The following GPR148 variants were observed in gnomAD, a reference collection of about 807,000 sequenced individuals.
GPR148 encodes probable G protein-coupled receptor 148.
For missense variants in GPR148, 424 were observed against 435.3 expected (o/e 0.97, Z 0.23); for synonymous variants, 173 against 187.9 (o/e 0.92, Z 0.65).
rs770766621 is a variant in GPR148, at chr2:130,729,931, G to A, written c.780G>A (p.Arg260=). 4.6e-5 allele frequency: 72 copies of A among 1,572,946 alleles called. No homozygotes were observed. The highest frequency in any genetic ancestry group is 1.7e-4 in the Middle Eastern group (1 of 5,848). The change falls in exon 1 of 1, where the codon AGG becomes AGA. Residue 260 remains arginine (R), a synonymous_variant. Transcript: ENST00000309926. ...GIWGQGYSRA[R]GTLLIHSVLI... ...GGGGGCAGGGCTATTCCCGGGCCAG[G>A]GGCACCCTGCTGATCCACTCAGTGC...
At position 130,729,975 on chromosome 2, in the gene GPR148, G is replaced by T; in HGVS notation, c.824G>T (p.Ser275Ile). Residue 275 changes from serine to isoleucine, a missense_variant, in exon 1 of 1, where the codon AGC (serine) becomes ATC (isoleucine). Ser to Ile is a moderately radical substitution (Grantham distance 142, BLOSUM62 -2). Coordinates refer to ENST00000309926, the MANE Select transcript of GPR148 (RefSeq NM_207364.2). ...IHSVLITLYV[S>I]TGVVFSLDMV... ...TCAGTGCTGATCACATTGTACGTGAGCACAGGGGTGGTGTTCTCCCTGGAC... is the reference window on the plus strand; with the variant it reads ...TCAGTGCTGATCACATTGTACGTGATCACAGGGGTGGTGTTCTCCCTGGAC... 1 of 1,555,946 alleles carries T rather than the reference G, an allele frequency of 6.4e-7. No individual in the cohort carries two copies. The highest frequency in any genetic ancestry group is 8.7e-7 in the Non-Finnish European group (1 of 1,148,764).
Position 130,729,365 on chromosome 2 carries a change from G to T in GPR148, c.214G>T (p.Val72Leu). 6.2e-7 allele frequency: 1 copy of T among 1,614,150 alleles called. No homozygotes were observed. Among genetic ancestry groups the T allele is most frequent in the Non-Finnish European group, 8.5e-7 (1 of 1,180,034 alleles). ...ATLAVSPLLL[V>L]TILRNQRLRQ... is the part of the protein sequence containing the mutation. ...ACTGGCTGTCAGCCCCCTGCTGCTG[G>T]TGACCATCCTGCGGAACCAACGGCT... The change falls in exon 1 of 1, where the codon GTG (valine) becomes TTG (leucine). Residue 72 changes from valine (V) to leucine (L), a missense_variant. Physicochemically the swap from Val to Leu is conservative, Grantham distance 32 (BLOSUM62 1). Transcript: ENST00000309926.
In GPR148 at chr2:130,729,219, G is replaced by T; in HGVS notation, c.68G>T (p.Ser23Ile). ...TAWPALIQLISKTPCMPQAAS... is the reference protein window; with the variant it reads ...TAWPALIQLIIKTPCMPQAAS... Reference sequence around the variant, plus strand: ...TGGCCGGCCCTGATCCAGCTCATCAGCAAGACACCCTGCATGCCCCAAGCA... The same window carrying T: ...TGGCCGGCCCTGATCCAGCTCATCATCAAGACACCCTGCATGCCCCAAGCA... The change falls in exon 1 of 1, where the codon AGC becomes ATC. Residue 23 changes from serine to isoleucine, a missense_variant. Physicochemically the swap from Ser to Ile is moderately radical, Grantham distance 142. Transcript: ENST00000309926. 1 of 1,593,088 alleles carries T rather than the reference G, an allele frequency of 6.3e-7. No homozygotes were observed. The highest frequency in any genetic ancestry group is 8.6e-7 in the Non-Finnish European group (1 of 1,167,858).
At position 130,730,029 on chromosome 2, in the gene GPR148, A is replaced by G. The variant is rs1410609021; in HGVS notation, c.878A>G (p.Asp293Gly). ...GTGCTGACCAGGTACCACCACATTG[A>G]CTCTGGGACTCACACATGGCTCCTG... is the stretch of plus-strand genomic sequence containing the variant. ...DMVLTRYHHI[D>G]SGTHTWLLAA... is the part of the protein sequence containing the mutation. Residue 293 changes from aspartate (D) to glycine (G), a missense_variant, in exon 1 of 1, where the codon GAC (aspartate) becomes GGC (glycine). Coordinates refer to ENST00000309926, the MANE Select transcript of GPR148 (RefSeq NM_207364.2). 1 of 1,581,464 alleles carries G rather than the reference A, an allele frequency of 6.3e-7. No homozygotes were observed. The highest frequency in any genetic ancestry group is 8.6e-7 in the Non-Finnish European group (1 of 1,163,012).
Position 130,729,231 on chromosome 2 carries a change from G to C in GPR148, c.80G>C (p.Cys27Ser). ...ATCCAGCTCATCAGCAAGACACCCT[G>C]CATGCCCCAAGCAGCCAGCAACACT... ...ALIQLISKTP[C>S]MPQAASNTSL... Residue 27 changes from cysteine (C) to serine (S), a missense_variant, in exon 1 of 1, where the codon TGC (cysteine) becomes TCC (serine). Transcript: ENST00000309926. 6.2e-7 allele frequency: 1 copy of C among 1,603,612 alleles called. No homozygotes were observed. Among genetic ancestry groups the C allele is most frequent in the East Asian group, 2.2e-5 (1 of 44,700 alleles).
Position 130,729,593 on chromosome 2 carries a change from C to G in GPR148, c.442C>G (p.Leu148Val), listed in dbSNP as rs79683495. The G allele has an allele frequency of 3.0e-4, 489 of 1,614,208 alleles. 2 individuals are homozygous for G. In the African/African-American group the frequency reaches 5.8e-3, roughly 19 times the overall value. ...SFTAIVLHTY[L>V]AVIHPLRYLS... Reference sequence around the variant, plus strand: ...CACCGCCATTGTGCTGCACACCTACCTGGCAGTCATCCATCCACTGCGCTA... The same window carrying G: ...CACCGCCATTGTGCTGCACACCTACGTGGCAGTCATCCATCCACTGCGCTA... The change falls in exon 1 of 1, where the codon CTG (leucine) becomes GTG (valine). Residue 148 changes from leucine to valine, a missense_variant. Transcript: ENST00000309926.
Position 130,729,911 on chromosome 2 carries a change from C to G in GPR148, c.760C>G (p.Gln254Glu). ...GGCCAAGACTTCAGGCATCTGGGGG[C>G]AGGGCTATTCCCGGGCCAGGGGCAC... ...AEAKTSGIWG[Q>E]GYSRARGTLL... The change falls in exon 1 of 1, where the codon CAG becomes GAG. Residue 254 changes from glutamine (Q) to glutamate (E), a missense_variant. By Grantham distance (29) the Gln-to-Glu change is conservative. Transcript: ENST00000309926. 1.3e-6 allele frequency: 2 copies of G among 1,583,256 alleles called. No homozygotes were observed. The highest frequency in any genetic ancestry group is 1.7e-6 in the Non-Finnish European group (2 of 1,164,686).
In GPR148 at chr2:130,730,125, G is replaced by C. The variant is rs77932609; in HGVS notation, c.974G>C (p.Arg325Pro). Reference sequence around the variant, plus strand: ...ACATACCTGTACCTGCTCCGCTACCGGCAGCTGTTGGGCATGGTCCGGGGC... The same window carrying C: ...ACATACCTGTACCTGCTCCGCTACCCGCAGCTGTTGGGCATGGTCCGGGGC... Reference protein sequence around the residue: ...MLTYLYLLRYRQLLGMVRGHL... With the variant: ...MLTYLYLLRYPQLLGMVRGHL... Residue 325 changes from arginine (R) to proline (P), a missense_variant, in exon 1 of 1, where the codon CGG (arginine) becomes CCG (proline). Physicochemically the swap from Arg to Pro is moderately radical, Grantham distance 103. Transcript: ENST00000309926. 1 of 1,613,492 alleles carries C rather than the reference G, an allele frequency of 6.2e-7. No individual in the cohort carries two copies. Among genetic ancestry groups the C allele is most frequent in the Non-Finnish European group, 8.5e-7 (1 of 1,179,918 alleles).
In GPR148 at chr2:130,729,112, C is replaced by A. The variant is rs754402015; in HGVS notation, c.-40C>A. Reference sequence around the variant, plus strand: ...TCAACACTCAAGGCAGGTGCAGAATCAACAACCTGTGACAAAGCCAGCCAT... The same window carrying A: ...TCAACACTCAAGGCAGGTGCAGAATAAACAACCTGTGACAAAGCCAGCCAT... On this transcript the variant is annotated 5_prime_UTR_variant, in exon 1 of 1. Transcript: ENST00000309926. 1.3e-6 allele frequency: 2 copies of A among 1,503,056 alleles called. No homozygotes were observed. The highest frequency in any genetic ancestry group is 1.8e-6 in the Non-Finnish European group (2 of 1,120,922). 93.1% of individuals were successfully genotyped at this position (1,503,056 alleles called of 1,614,324 possible).
rs1337615385 is a variant in GPR148 at position 130,729,594 on chromosome 2, T to C, written c.443T>C (p.Leu148Pro). 1 of 1,614,212 alleles carries C rather than the reference T, an allele frequency of 6.2e-7. No homozygotes were observed. ...SFTAIVLHTYLAVIHPLRYLS... is the reference protein window; with the variant it reads ...SFTAIVLHTYPAVIHPLRYLS... ...ACCGCCATTGTGCTGCACACCTACC[T>C]GGCAGTCATCCATCCACTGCGCTAC... The change falls in exon 1 of 1, where the codon CTG becomes CCG. Residue 148 changes from leucine (L) to proline (P), a missense_variant. Coordinates refer to ENST00000309926, the MANE Select transcript of GPR148 (RefSeq NM_207364.2).
At position 130,730,321 on chromosome 2, in the gene GPR148, C is replaced by T; in HGVS notation, c.*126C>T. The T allele has an allele frequency of 2.8e-6, 2 of 714,148 alleles. No individual in the cohort carries two copies. Among genetic ancestry groups the T allele is most frequent in the Non-Finnish European group, 4.6e-6 (2 of 437,842 alleles). 44.2% of individuals were successfully genotyped at this position (714,148 alleles called of 1,614,324 possible). ...AGTGGAATTGGGCCTTTCAGAAGAC[C>T]TCAACTGATGATTTTCACCATTTTG... is the stretch of plus-strand genomic sequence containing the variant. On this transcript the variant is annotated 3_prime_UTR_variant, in exon 1 of 1. Coordinates refer to ENST00000309926, the MANE Select transcript of GPR148 (RefSeq NM_207364.2).
At position 130,729,820 on chromosome 2, in the gene GPR148, C is replaced by T. The variant is rs773088462; in HGVS notation, c.669C>T (p.Ser223=). The change falls in exon 1 of 1, where the codon TCC becomes TCT. Residue 223 remains serine (S), a synonymous_variant. Transcript: ENST00000309926. ...CGLLVIVTYT[S]ILCVLFLCTA... ...TCCTGGTCATTGTTACCTACACCTCCATTCTGTGCGTTCTGTTCCTCTGCA... is the reference window on the plus strand; with the variant it reads ...TCCTGGTCATTGTTACCTACACCTCTATTCTGTGCGTTCTGTTCCTCTGCA... 1 of 1,605,024 alleles carries T rather than the reference C, an allele frequency of 6.2e-7. No homozygotes were observed. The highest frequency in any genetic ancestry group is 1.7e-5 in the Admixed American group (1 of 59,798).
rs1368602530 is a variant in GPR148, at chr2:130,730,167, G to A, written c.1016G>A (p.Arg339Lys). Reference sequence around the variant, plus strand: ...GTCCGGGGCCACCTCCCATCCAGGAGGCACCAGGCCATCTTTACCATTTCC... The same window carrying A: ...GTCCGGGGCCACCTCCCATCCAGGAAGCACCAGGCCATCTTTACCATTTCC... ...GMVRGHLPSRRHQAIFTIS is the reference protein window; with the variant it reads ...GMVRGHLPSRKHQAIFTIS Residue 339 changes from arginine to lysine, a missense_variant, in exon 1 of 1, where the codon AGG (arginine) becomes AAG (lysine). Arg to Lys is a conservative substitution (Grantham distance 26). Transcript: ENST00000309926. The A allele has an allele frequency of 6.2e-7, 1 of 1,613,142 alleles. No homozygotes were observed. The highest frequency in any genetic ancestry group is 1.3e-5 in the African/African-American group (1 of 75,062).
Position 130,730,035 on chromosome 2 carries a change from G to A in GPR148, c.884G>A (p.Gly295Glu), listed in dbSNP as rs1186041991. The A allele has an allele frequency of 1.3e-6, 2 of 1,588,200 alleles. No homozygotes were observed. Among genetic ancestry groups the A allele is most frequent in the African/African-American group, 1.3e-5 (1 of 74,506 alleles). ...ACCAGGTACCACCACATTGACTCTG[G>A]GACTCACACATGGCTCCTGGCAGCT... ...VLTRYHHIDS[G>E]THTWLLAANS... The change falls in exon 1 of 1, where the codon GGG (glycine) becomes GAG (glutamate). Residue 295 changes from glycine (G) to glutamate (E), a missense_variant. By Grantham distance (98) the Gly-to-Glu change is moderately conservative (BLOSUM62 -2). Transcript: ENST00000309926.
rs1409492213 is a variant in GPR148, at chr2:130,729,971, G to C, written c.820G>C (p.Val274Leu). ...LIHSVLITLY[V>L]STGVVFSLDM... The stretch of plus-strand genomic sequence containing the variant: ...CCACTCAGTGCTGATCACATTGTAC[G>C]TGAGCACAGGGGTGGTGTTCTCCCT... The change falls in exon 1 of 1, where the codon GTG (valine) becomes CTG (leucine). Residue 274 changes from valine (V) to leucine (L), a missense_variant. By Grantham distance (32) the Val-to-Leu change is conservative. Coordinates refer to ENST00000309926, the MANE Select transcript of GPR148 (RefSeq NM_207364.2). The C allele has an allele frequency of 1.9e-5, 29 of 1,556,182 alleles. No individual in the cohort carries two copies. Among genetic ancestry groups the C allele is most frequent in the Non-Finnish European group, 2.3e-5 (27 of 1,149,074 alleles).
At position 130,729,902 on chromosome 2, in the gene GPR148, A is replaced by G. The variant is rs890303601; in HGVS notation, c.751A>G (p.Ile251Val). 3 of 1,588,108 alleles carry G rather than the reference A, an allele frequency of 1.9e-6. No homozygotes were observed. The highest frequency in any genetic ancestry group is 2.7e-5 in the African/African-American group (2 of 74,586). ...RIYAEAKTSG[I>V]WGQGYSRARG... Reference sequence around the variant, plus strand: ...CTATGCAGAGGCCAAGACTTCAGGCATCTGGGGGCAGGGCTATTCCCGGGC... The same window carrying G: ...CTATGCAGAGGCCAAGACTTCAGGCGTCTGGGGGCAGGGCTATTCCCGGGC... The change falls in exon 1 of 1, where the codon ATC (isoleucine) becomes GTC (valine). Residue 251 changes from isoleucine to valine, a missense_variant. Physicochemically the swap from Ile to Val is conservative, Grantham distance 29 (BLOSUM62 3). Transcript: ENST00000309926.
In GPR148 at chr2:130,730,186, C is replaced by G. The variant is rs376984694; in HGVS notation, c.1035C>G (p.Thr345=). ...CCAGGAGGCACCAGGCCATCTTTAC[C>G]ATTTCCTAGAGTTCTTGAGTCCACA... ...LPSRRHQAIF[T]IS is the part of the protein sequence containing the mutation. The change falls in exon 1 of 1, where the codon ACC becomes ACG. Residue 345 remains threonine, a synonymous_variant. Coordinates refer to ENST00000309926, the MANE Select transcript of GPR148 (RefSeq NM_207364.2). 2.1e-4 allele frequency: 340 copies of G among 1,609,364 alleles called. 6 individuals carry two copies. In the South Asian group the frequency reaches 2.6e-3, roughly 12 times the overall value.
rs1688447508 is a variant in GPR148 at position 130,729,725 on chromosome 2, G to A, written c.574G>A (p.Ala192Thr). The A allele has an allele frequency of 6.2e-7, 1 of 1,614,258 alleles. No homozygotes were observed. Among genetic ancestry groups the A allele is most frequent in the Non-Finnish European group, 8.5e-7 (1 of 1,180,042 alleles). ...TATTTGGCTCAGCAAGTGGCAGGATGCCCAGCTGGAGGAGCAAGGAGCTTC... is the reference window on the plus strand; with the variant it reads ...TATTTGGCTCAGCAAGTGGCAGGATACCCAGCTGGAGGAGCAAGGAGCTTC... ...FLIWLSKWQD[A>T]QLEEQGASYI... Residue 192 changes from alanine to threonine, a missense_variant, in exon 1 of 1, where the codon GCC becomes ACC. Transcript: ENST00000309926.
the GPR148 span, chr2:130,729,223 G>GACAC: frequency 3.1e-6 from 5 of 1,596,372 alleles, no homozygotes. Flanking sequence ...TCATCAGCAA[G>GACAC]ACACCCTGCA....
Sources: allele counts gnomAD v4.1 joint callset, GRCh38; gene constraint gnomAD v4.1.1; transcripts MANE v1.5; gene names NCBI Gene and HGNC (gene_info 2026-07-23, HGNC 2026-07-21).